SLC6A12: variants seen among roughly 807,000 people sequenced by gnomAD.
SLC6A12 encodes the protein solute carrier family 6 member 12, also known as sodium- and chloride-dependent betaine transporter.
Under a neutral mutation model 73.3 loss-of-function variants are expected in SLC6A12, and 50 were observed. The ratio of observed to expected loss-of-function variants is 0.68; its 90% CI spans 0.54 to 0.86. The LOEUF (loss-of-function observed/expected upper bound fraction) is 0.86. Among genes scored for constraint, SLC6A12 ranks in the 40% least tolerant of loss-of-function variants. The probability of loss-of-function intolerance (pLI) is 0.00; values close to 1 mark genes in which losing one functional copy is unlikely to be tolerated. For missense variants in SLC6A12, 648 were observed against 772.8 expected (o/e 0.84, Z 1.92); for synonymous variants, 304 against 309.2 (o/e 0.98, Z 0.18).
intron 11 of SLC6A12, 150 bp from the exon 12 acceptor site, chr12:196,411 G>T: frequency 1.1e-6 from 1 of 888,656 alleles, no homozygotes; most frequent in Non-Finnish European, 1.7e-6. Context: ...CCTGGGGTGA[G>T]CCAACCCTGC....
At chr12:207,055 C>T (rs1016259429) in intron 3 of SLC6A12, among the ~76,000 whole-genome samples, 1 of 152,230 alleles carries the variant, frequency 6.6e-6, no homozygotes, top group African/African-American at 2.4e-5. Context: ...TCTGGACCTT[C>T]GAGGGGCAGA....
intron 14 of SLC6A12, chr12:193,071 G>A (rs1939688173): frequency 1.8e-6 from 1 of 555,126 alleles, no homozygotes; most frequent in South Asian, 2.4e-5. Context: ...GCCGGAAGTA[G>A]GAAGTAGAAC....
chr12:197,336 T>C (rs768423241), intron 10 of SLC6A12, 41 bp downstream of exon 10: 7 of 1,584,680 alleles, frequency 4.4e-6, no homozygotes, highest in Non-Finnish European at 6.0e-6. Context: ...GTTCTCTGAC[T>C]CTCCTTCCCC....
rs79648439 is a variant in SLC6A12 at position 193,777 on chromosome 12, G to A, written c.1430-400C>T. Among the ~76,000 whole-genome samples, 1,581 of 152,292 alleles carry A rather than the reference G, an allele frequency of 0.01. 86 individuals carry two copies. In the East Asian group the frequency reaches 0.11, roughly 11 times the overall value. ...AAAACAGCAAAACAACAAGGCTCCCGCTGTTCAGACACATCATAGAAAACT... is the reference window on the plus strand; with the variant it reads ...AAAACAGCAAAACAACAAGGCTCCCACTGTTCAGACACATCATAGAAAACT... On this transcript the variant is annotated intron_variant, in intron 13 of 15. Transcript: ENST00000684302.
rs148930832 is a variant in SLC6A12, at chr12:209,981, G to A, written c.6C>T (p.Asp2=). Residue 2 remains aspartate, a synonymous_variant, in exon 3 of 16, where the codon GAC becomes GAT. Coordinates refer to ENST00000684302, the MANE Select transcript of SLC6A12 (RefSeq NM_001122848.3). The stretch of plus-strand genomic sequence containing the variant: ...CACACTCTTGCACTGCCACCTTCCC[G>A]TCCATGGCTGTGTGGTGGGTTGGGA... The part of the protein sequence containing the change: M[D]GKVAVQECGP... 1,943 of 1,614,026 alleles carry A rather than the reference G, an allele frequency of 1.2e-3. 2 individuals carry two copies. The highest frequency in any genetic ancestry group is 1.5e-3 in the Admixed American group (91 of 60,010).
Position 200,699 on chromosome 12 carries a change from C to T in SLC6A12, c.663G>A (p.Trp221Ter). 1 of 1,614,134 alleles carries T rather than the reference C, an allele frequency of 6.2e-7. No homozygotes were observed. Among genetic ancestry groups the T allele is most frequent in the Non-Finnish European group, 8.5e-7 (1 of 1,180,014 alleles). ...TCCAGATGCAGAAATAGCAGATGAC[C>T]CAGGCGAGCAGGAGGCACAGGGCCA... ...WELALCLLLA[W>*]VICYFCIWKG... Residue 221 changes from tryptophan (W) to a stop codon, truncating the protein, a stop_gained, in exon 7 of 16, where the codon TGG (tryptophan) becomes TGA (stop). Transcript: ENST00000684302. LOFTEE classifies it high-confidence loss of function.
At chr12:209,220 C>G (rs1208632688) in intron 3 of SLC6A12, among the ~76,000 whole-genome samples, 1 of 152,220 alleles carries the variant, frequency 6.6e-6, no homozygotes, top group Non-Finnish European at 1.5e-5. Context: ...TCCTTCAAGT[C>G]TGCTGAAATG....
chr12:184,586 T>C, the SLC6A12 span, among the ~76,000 whole-genome samples: 2 of 152,014 alleles, frequency 1.3e-5, no homozygotes, highest in Admixed American at 1.3e-4. Context: ...CCATCTCTAC[T>C]AAAAATACAA....
At position 198,577 on chromosome 12, in the gene SLC6A12, GA is replaced by G; in HGVS notation, c.846+219del. 6 of 472,772 alleles carry G rather than the reference GA, an allele frequency of 1.3e-5. No homozygotes were observed. Among genetic ancestry groups the G allele is most frequent in the East Asian group, 3.8e-5 (1 of 26,524 alleles). The allele number at this position is 472,772 out of a possible 1,614,324, so 29.3% of individuals were successfully genotyped here. A position where few individuals can be genotyped will look rare whatever the true frequency, so the allele number is the denominator to read the frequency against. On this transcript the variant is annotated intron_variant, in intron 8 of 15. Coordinates refer to ENST00000684302, the MANE Select transcript of SLC6A12 (RefSeq NM_001122848.3). This position sits in a 1 kb window ranked among gnomAD's most constrained non-coding sequence, Gnocchi z 4.0. The stretch of plus-strand genomic sequence containing the variant: ...AGACCCTGCCTGTCTCTAAGTAAGA[GA>G]AAAAAAATTTTTTAAGAAAAAAAGT...
chr12:210,215 T>C (rs1394520322), intron 2 of SLC6A12, 172 bp from the exon 3 acceptor site: 5 of 1,172,176 alleles, frequency 4.3e-6, no homozygotes, highest in Non-Finnish European at 5.7e-6. Flanking sequence ...CTTAGTTTTC[T>C]GAGTTTGCAG....
rs1277777243 is a variant in SLC6A12, at chr12:198,037, C to T, written c.847-34G>A. 1.9e-6 allele frequency: 3 copies of T among 1,568,426 alleles called. No homozygotes were observed. Among genetic ancestry groups the T allele is most frequent in the Non-Finnish European group, 2.6e-6 (3 of 1,139,362 alleles). On this transcript the variant is annotated intron_variant, in intron 8 of 15. Coordinates refer to ENST00000684302, the MANE Select transcript of SLC6A12 (RefSeq NM_001122848.3). This position sits in a 1 kb window ranked among gnomAD's most constrained non-coding sequence, Gnocchi z 4.0. ...AACCCCAAGAAAGAGGTAGAGGCAGCCCCCAGGGCCCAGAGCCAGGGTGAC... is the reference window on the plus strand; with the variant it reads ...AACCCCAAGAAAGAGGTAGAGGCAGTCCCCAGGGCCCAGAGCCAGGGTGAC...
intron 3 of SLC6A12, among the ~76,000 whole-genome samples, chr12:209,045 C>T (rs1940788142): frequency 6.6e-6 from 1 of 152,132 alleles, no homozygotes. Flanking sequence ...TCTCTGCCCT[C>T]ACCCGGTTAT....
rs780629017 is a variant in SLC6A12, at chr12:201,872, C to A, written c.491-23G>T. The A allele has an allele frequency of 2.5e-6, 4 of 1,602,590 alleles. No individual in the cohort carries two copies. The Admixed American group carries it at 6.7e-5, about 27-fold the overall frequency. On this transcript the variant is annotated intron_variant, in intron 5 of 15. Coordinates refer to ENST00000684302, the MANE Select transcript of SLC6A12 (RefSeq NM_001122848.3). ...GCTCTGTTGGGGACAAGGTTAGGGA[C>A]AAGATGGAGAGAGATGCTCTTATAC...
intron 7 of SLC6A12, among the ~76,000 whole-genome samples, chr12:200,347 A>T (rs11836552): frequency 0.021 from 3,211 of 151,992 alleles, 98 homozygotes; most frequent in African/African-American, 0.073. Flanking sequence ...TGACCTCGTG[A>T]TCCGCCAGCC....
In SLC6A12 at chr12:193,385, G is replaced by A. The variant is rs1395241126; in HGVS notation, c.1430-8C>T. On this transcript the variant is annotated splice_region_variant and splice_polypyrimidine_tract_variant and intron_variant, in intron 13 of 15. Coordinates refer to ENST00000684302, the MANE Select transcript of SLC6A12 (RefSeq NM_001122848.3). ...CATAGAAACGGTCCGCCCCTGAGCAGGCATGGCGTGGGAGAGTGTGAGAGC... is the reference window on the plus strand; with the variant it reads ...CATAGAAACGGTCCGCCCCTGAGCAAGCATGGCGTGGGAGAGTGTGAGAGC... 10 of 1,606,752 alleles carry A rather than the reference G, an allele frequency of 6.2e-6. No individual in the cohort carries two copies. Among genetic ancestry groups the A allele is most frequent in the African/African-American group, 1.3e-5 (1 of 74,852 alleles).
rs930785388 is a variant in SLC6A12, at chr12:204,642, A to G, written c.271T>C (p.Phe91Leu). Residue 91 changes from phenylalanine to leucine, a missense_variant, in exon 4 of 16, where the codon TTC becomes CTC. Phe to Leu is a conservative substitution (Grantham distance 22). Transcript: ENST00000684302. Reference protein sequence around the residue: ...FFFVCGIPVFFLEVALGQYTS... With the variant: ...FFFVCGIPVFLLEVALGQYTS... ...TATTGGCCCAACGCCACCTCCAGGA[A>G]GAACACCGGGATGCCGCAGACAAAG... The G allele has an allele frequency of 1.2e-6, 2 of 1,614,090 alleles. No homozygotes were observed. The highest frequency in any genetic ancestry group is 1.7e-6 in the Non-Finnish European group (2 of 1,180,020).
chr12:188,708 CAT>C (rs748807276), downstream of SLC6A12, among the ~76,000 whole-genome samples: 55 of 151,920 alleles, frequency 3.6e-4, no homozygotes, highest in African/African-American at 9.1e-4. Flanking sequence ...CGCGTGAACT[CAT>C]GTGCACACAC....
At chr12:200,201 C>CG (rs1423098307) in intron 7 of SLC6A12, among the ~76,000 whole-genome samples, 4 of 149,722 alleles carry the variant, frequency 2.7e-5, no homozygotes, top group South Asian at 2.1e-4. Context: ...CTCCGCCTCC[C>CG]GGGTTCACGC....
chr12:186,073 G>A (rs1161093356), downstream of SLC6A12, among the ~76,000 whole-genome samples: 1 of 151,642 alleles, frequency 6.6e-6, no homozygotes, highest in Admixed American at 6.6e-5. Flanking sequence ...GGTCAGGGGA[G>A]GGCTCTGGAG....
Sources: gnomAD v4.1 joint callset for allele counts (sites outside exome capture counted in the v4.1 genomes callset) on GRCh38, gnomAD v4.1.1 for gene constraint, Gnocchi (gnomAD v3.1) non-coding constraint, MANE v1.5 for transcripts, NCBI Gene and HGNC (gene_info 2026-07-23, HGNC 2026-07-21) for gene names.